Variants in MCM9 observed in about 807,000 individuals in gnomAD.
MCM9 encodes minichromosome maintenance 9 homologous recombination repair factor, also known as DNA helicase MCM9.
MCM9 carries 55 observed loss-of-function variants against 72.8 expected under a neutral mutation model. The ratio of observed to expected loss-of-function variants is 0.76; its 90% CI spans 0.61 to 0.95. The LOEUF is 0.95. MCM9 is among the 40% of genes least tolerant of loss of function. The pLI is 0.00. For missense variants in MCM9, 1,279 were observed against 1,377.0 expected (o/e 0.93, Z 1.13); for synonymous variants, 480 against 503.4 (o/e 0.95, Z 0.62).
chr6:118,829,260 G>A lies in MCM9; in HGVS notation c.1326-10C>T, dbSNP rs1479287976. 6.5e-7 allele frequency: 1 copy of A among 1,543,558 alleles called. No homozygotes were observed. Among genetic ancestry groups the A allele is most frequent in the Admixed American group, 2.0e-5 (1 of 50,546 alleles). ...CAGCTTGCACACGAGGCTGCCAGGA[G>A]AGACAGTACAATTCACTGATTGTGA... On this transcript the variant is annotated splice_polypyrimidine_tract_variant and intron_variant, in intron 9 of 13. Transcript: ENST00000619706.
In MCM9 at chr6:118,891,649, A is replaced by G. The variant is rs970177179; in HGVS notation, c.1150+20001T>C. On this transcript the variant is annotated intron_variant, in intron 8 of 13. Coordinates refer to ENST00000619706, the MANE Select transcript of MCM9 (RefSeq NM_017696.3). Reference sequence around the variant, plus strand: ...GATTAGGGCCCACCCCAATCACCTCATTTAACTTAATCTCCAAATACAGTC... The same window carrying G: ...GATTAGGGCCCACCCCAATCACCTCGTTTAACTTAATCTCCAAATACAGTC... Among the ~76,000 whole-genome samples the G allele has an allele frequency of 3.9e-5, 6 of 152,276 alleles. No homozygotes were observed. The East Asian group carries it at 7.7e-4, about 20-fold the overall frequency.
At chr6:118,867,885 C>CTTTT (rs1425137310) in intron 8 of MCM9, among the ~76,000 whole-genome samples, 5 of 142,894 alleles carry the variant, frequency 3.5e-5, no homozygotes, top group Admixed American at 2.2e-4. Context: ...TTTTCTTTTT[C>CTTTT]TTTTTTTTTG....
At chr6:118,845,505 C>A (rs531942021) in intron 9 of MCM9, among the ~76,000 whole-genome samples, 1 of 151,668 alleles carries the variant, frequency 6.6e-6, no homozygotes. Context: ...ACTAAAAAAG[C>A]GGGGAGCTCT....
chr6:118,844,618 G>A (rs1225837404), intron 9 of MCM9, among the ~76,000 whole-genome samples: 1 of 151,728 alleles, frequency 6.6e-6, no homozygotes, highest in Non-Finnish European at 1.5e-5. Flanking sequence ...CTATGATCTT[G>A]GCAGAAACTG....
intron 8 of MCM9, among the ~76,000 whole-genome samples, chr6:118,891,009 G>A (rs36182149): frequency 0.87 from 131,751 of 152,238 alleles, 57,178 homozygotes; most frequent in East Asian, 0.96. Flanking sequence ...TAGTTCTAAT[G>A]TATTTTAATT....
intron 8 of MCM9, among the ~76,000 whole-genome samples, chr6:118,873,908 A>C (rs1451418820): frequency 3.9e-5 from 6 of 152,232 alleles, no homozygotes; most frequent in Admixed American, 1.3e-4. Flanking sequence ...ATGCATAAAA[A>C]GAATTGTACA....
At chr6:118,913,100 GTCTT>G (rs749008447) in intron 7 of MCM9, 191 bp downstream of exon 7, 12 of 573,652 alleles carry the variant, frequency 2.1e-5, no homozygotes, top group Admixed American at 3.3e-5. Context: ...ACTTCTTTCA[GTCTT>G]TCTGGAACTC....
chr6:118,865,466 T>C (rs972215226), intron 8 of MCM9, among the ~76,000 whole-genome samples: 1 of 152,168 alleles, frequency 6.6e-6, no homozygotes, highest in Non-Finnish European at 1.5e-5. Flanking sequence ...TGAACAAGTG[T>C]GCAAACACTT....
intron 8 of MCM9, among the ~76,000 whole-genome samples, chr6:118,871,699 G>T (rs1048714828): frequency 6.6e-6 from 1 of 152,032 alleles, no homozygotes. Flanking sequence ...GGCAGATCAC[G>T]AGGTCAGGAG....
At chr6:118,927,785 G>A (rs1013040086) in intron 3 of MCM9, among the ~76,000 whole-genome samples, 1 of 152,148 alleles carries the variant, frequency 6.6e-6, no homozygotes, top group African/African-American at 2.4e-5. Flanking sequence ...TTTATTCCTA[G>A]AAAGCTATCT....
At chr6:118,848,311 AT>A (rs1776005732) in intron 9 of MCM9, among the ~76,000 whole-genome samples, 1 of 151,924 alleles carries the variant, frequency 6.6e-6, no homozygotes, top group African/African-American at 2.4e-5. Context: ...ATATGATATT[AT>A]TTAAAGTTCC....
intron 8 of MCM9, among the ~76,000 whole-genome samples, chr6:118,894,925 G>A (rs911352510): frequency 5.3e-5 from 8 of 152,160 alleles, no homozygotes; most frequent in African/African-American, 1.9e-4. Flanking sequence ...TGTGCGTGTG[G>A]TCGCGCCGGC....
intron 6 of MCM9, among the ~76,000 whole-genome samples, chr6:118,917,126 T>A (rs1207966952): frequency 6.6e-6 from 1 of 152,236 alleles, no homozygotes; most frequent in African/African-American, 2.4e-5. Context: ...TCTTCTCTCA[T>A]CTTTTTCCTA....
intron 4 of MCM9, 120 bp from the exon 5 acceptor site, chr6:118,922,206 A>T: frequency 2.9e-6 from 2 of 678,976 alleles, no homozygotes; most frequent in Non-Finnish European, 4.7e-6. Context: ...ATTTAATTAT[A>T]ATGGGGATTT....
chr6:118,924,173 T>G (rs770210274), intron 3 of MCM9, 46 bp from the exon 4 acceptor site: 5 of 1,530,784 alleles, frequency 3.3e-6, no homozygotes, highest in Admixed American at 3.5e-5. Context: ...ATCTTGAGAT[T>G]TGACTCCAAG....
chr6:118,899,771 A>C (rs543419556), intron 8 of MCM9, among the ~76,000 whole-genome samples: 13 of 152,356 alleles, frequency 8.5e-5, no homozygotes, highest in Admixed American at 7.8e-4. Flanking sequence ...ATGGCCACAC[A>C]TGGTGGCACT....
chr6:118,905,858 C>CT (rs773653189), intron 8 of MCM9: 12 of 1,492,604 alleles, frequency 8.0e-6, no homozygotes, highest in Non-Finnish European at 1.0e-5. Context: ...TTTTTAACTA[C>CT]TTTTACTATG....
chr6:118,929,501 A>C lies in MCM9; in HGVS notation c.304+1919T>G, dbSNP rs144104065. Among the ~76,000 whole-genome samples, 853 of 152,298 alleles carry C rather than the reference A, an allele frequency of 5.6e-3. 7 individuals carry two copies. The highest frequency in any genetic ancestry group is 0.01 in the Middle Eastern group (3 of 294). ...TGTAACTTACTTTTTCAGAGAATTG[A>C]AAAAATAAGCTAAATTCACCTGAAA... On this transcript the variant is annotated intron_variant, in intron 3 of 13. Coordinates refer to ENST00000619706, the MANE Select transcript of MCM9 (RefSeq NM_017696.3).
At chr6:118,842,334 A>C (rs182928859) in intron 9 of MCM9, among the ~76,000 whole-genome samples, 27 of 152,384 alleles carry the variant, frequency 1.8e-4, no homozygotes, top group African/African-American at 6.0e-4. Flanking sequence ...GTTTGAAAAG[A>C]ACCTTGAAAA....
Sources: allele counts gnomAD v4.1 joint callset (sites outside exome capture counted in the v4.1 genomes callset), GRCh38; gene constraint gnomAD v4.1.1; transcripts MANE v1.5; gene names NCBI Gene and HGNC (gene_info 2026-07-23, HGNC 2026-07-21).